Variants in TAMALIN observed in about 807,000 individuals in gnomAD.
The protein encoded by TAMALIN is protein TAMALIN.
Under a neutral mutation model 38.5 loss-of-function variants are expected in TAMALIN, and 9 were observed. The ratio of observed to expected loss-of-function variants is 0.23; its 90% CI spans 0.14 to 0.41. The LOEUF (loss-of-function observed/expected upper bound fraction) is 0.41. Ranked by LOEUF, TAMALIN falls within the 10% of genes least tolerant of loss-of-function variation. The pLI, the probability that TAMALIN is intolerant of heterozygous loss-of-function variation, is 1.00. For missense variants in TAMALIN, 548 were observed against 554.1 expected, an observed-to-expected ratio of 0.99 and a Z score of 0.11; for synonymous variants, 306 against 256.5, an observed-to-expected ratio of 1.19 and a Z score of -1.85.
Position 52,007,024 on chromosome 12 carries a change from C to A in TAMALIN, c.5C>A (p.Thr2Asn). 1 of 1,431,252 alleles carries A rather than the reference C, an allele frequency of 7.0e-7. No individual in the cohort carries two copies. The allele number at this position is 1,431,252 out of a possible 1,614,324, so 88.7% of individuals were successfully genotyped here. Residue 2 changes from threonine to asparagine, a missense_variant, in exon 1 of 8, where the codon ACC (threonine) becomes AAC (asparagine). Around this residue, in one of 3 missense-constraint regions of TAMALIN, gnomAD observed 128 missense variants for 117.9 expected, o/e 1.09. Transcript: ENST00000293662. This position sits in a 1 kb window ranked among gnomAD's most constrained non-coding sequence, Gnocchi z 6.7. M[T>N]LRRLRKLQQK... is the part of the protein sequence containing the mutation. ...GGGGCGTCCGGCGCCGGAGCCATGA[C>A]CCTCCGCCGACTCAGGAAGCTGCAG... is the stretch of plus-strand genomic sequence containing the variant.
At chr12:52,008,934 G>T (rs529447299) in intron 1 of TAMALIN, among the ~76,000 whole-genome samples, 1 of 152,334 alleles carries the variant, frequency 6.6e-6, no homozygotes, top group East Asian at 1.9e-4. Context: ...GGGCTTAGAG[G>T]TTCATGGATC....
At chr12:52,013,495 G>T (rs1937708436) in intron 4 of TAMALIN, 192 bp from the exon 5 acceptor site, 2 of 596,050 alleles carry the variant, frequency 3.4e-6, no homozygotes, top group East Asian at 5.7e-5. Context: ...AATGGCTGTG[G>T]TTCTGTGTGT....
chr12:52,009,105 G>T, intron 1 of TAMALIN, 85 bp from the exon 2 acceptor site: 1 of 1,296,712 alleles, frequency 7.7e-7, no homozygotes, highest in Non-Finnish European at 1.1e-6. Context: ...ACAGGAAGTG[G>T]GTCGCTGTGT....
chr12:52,008,119 A>AG, intron 1 of TAMALIN: 1 of 985,420 alleles, frequency 1.0e-6, no homozygotes, highest in Non-Finnish European at 1.2e-6. Flanking sequence ...TGAAAGACAA[A>AG]GGGGTCTCTC....
intron 1 of TAMALIN, chr12:52,008,493 G>A (rs1174600245): frequency 1.0e-6 from 1 of 970,630 alleles, no homozygotes; most frequent in Non-Finnish European, 1.2e-6. Context: ...AAGATGTTTT[G>A]TCCCAGAAAG....
In TAMALIN at chr12:52,014,180, C is replaced by T; in HGVS notation, c.661C>T (p.Gln221Ter). The T allele has an allele frequency of 6.2e-7, 1 of 1,603,192 alleles. No homozygotes were observed. ...GGGAGAGTACAGGTCCCTAATGGTG[C>T]AGGAGCAGCGGCTGGTGCATGGTGA... ...KWGEYRSLMV[Q>*]EQRLVHGLVV... Residue 221 changes from glutamine (Q) to a stop codon, truncating the protein, a stop_gained, in exon 7 of 8, where the codon CAG becomes TAG. Coordinates refer to ENST00000293662, the MANE Select transcript of TAMALIN (RefSeq NM_181711.4). LOFTEE classifies it high-confidence loss of function.
Position 52,015,330 on chromosome 12 carries a change from C to A in TAMALIN, c.*131C>A. The A allele has an allele frequency of 8.7e-7, 1 of 1,145,500 alleles. No individual in the cohort carries two copies. The highest frequency in any genetic ancestry group is 1.2e-6 in the Non-Finnish European group (1 of 860,074). The allele number at this position is 1,145,500 out of a possible 1,614,324, so 71.0% of individuals were successfully genotyped here. ...GAGGGTCCTTCCTAGCCTCGGCCCG[C>A]CGGGTCGGTTCCTGGCTGGTGTCTG... On this transcript the variant is annotated 3_prime_UTR_variant, in exon 8 of 8. Coordinates refer to ENST00000293662, the MANE Select transcript of TAMALIN (RefSeq NM_181711.4).
intron 4 of TAMALIN, among the ~76,000 whole-genome samples, chr12:52,012,076 A>G (rs1419330313): frequency 6.6e-6 from 1 of 152,214 alleles, no homozygotes; most frequent in South Asian, 2.1e-4. Flanking sequence ...GATGGATGGC[A>G]TCTCATGGCA....
chr12:52,009,372 AGTGAGGGCAGGTGGGG>A, intron 2 of TAMALIN, 133 bp downstream of exon 2: 1 of 838,152 alleles, frequency 1.2e-6, no homozygotes, highest in South Asian at 1.6e-5. Flanking sequence ...CCCCGCTGGG[AGTGAGGGCAGGTGGGG>A]GTGAGGGCTG....
Position 52,015,405 on chromosome 12 carries a change from A to T in TAMALIN, c.*206A>T. ...CTTCTCTTCTCCCCCGCCAAACCAC[A>T]GTGGGAGCTGGGGCAGGGGGAGAGC... On this transcript the variant is annotated 3_prime_UTR_variant, in exon 8 of 8. Transcript: ENST00000293662. 1.8e-6 allele frequency: 1 copy of T among 565,572 alleles called. No homozygotes were observed. Among genetic ancestry groups the T allele is most frequent in the South Asian group, 2.3e-5 (1 of 43,898 alleles). The allele number at this position is 565,572 out of a possible 1,614,324, so 35.0% of individuals were successfully genotyped here.
In TAMALIN at chr12:52,015,124, C is replaced by T. The variant is rs745411845; in HGVS notation, c.1113C>T (p.Arg371=). The change falls in exon 8 of 8, where the codon CGC becomes CGT. Residue 371 remains arginine (R), a synonymous_variant. Coordinates refer to ENST00000293662, the MANE Select transcript of TAMALIN (RefSeq NM_181711.4). ...CCGGCCTGCGCAAAACCAAGTACCG[C>T]AGCTTCCGCCGGCGGCTGCTCAAGT... The part of the protein sequence containing the change: ...CGPGLRKTKY[R]SFRRRLLKFI... 14 of 1,588,644 alleles carry T rather than the reference C, an allele frequency of 8.8e-6. No individual in the cohort carries two copies. The highest frequency in any genetic ancestry group is 1.2e-5 in the Non-Finnish European group (14 of 1,175,760).
rs777772944 is a variant in TAMALIN, at chr12:52,013,878, C to A, written c.550C>A (p.Leu184Met). The A allele has an allele frequency of 3.1e-6, 5 of 1,614,138 alleles. No individual in the cohort carries two copies. The highest frequency in any genetic ancestry group is 4.2e-6 in the Non-Finnish European group (5 of 1,179,998). ...IIKASGNVLR[L>M]ETLYGTSIRK... Reference sequence around the variant, plus strand: ...CAGGCTTTGATTCTCCAACCTCAGACTGGAAACTCTATATGGGACATCAAT... The same window carrying A: ...CAGGCTTTGATTCTCCAACCTCAGAATGGAAACTCTATATGGGACATCAAT... Residue 184 changes from leucine (L) to methionine (M), a missense_variant and splice_region_variant, in exon 6 of 8, where the codon CTG (leucine) becomes ATG (methionine). Coordinates refer to ENST00000293662, the MANE Select transcript of TAMALIN (RefSeq NM_181711.4).
At chr12:52,013,561 G>A in intron 4 of TAMALIN, 126 bp from the exon 5 acceptor site, 1 of 715,918 alleles carries the variant, frequency 1.4e-6, no homozygotes, top group Non-Finnish European at 2.5e-6. Context: ...TGAGGAGTTG[G>A]AGGAGGGAGT....
In TAMALIN at chr12:52,014,842, G is replaced by C; in HGVS notation, c.831G>C (p.Arg277Ser). The C allele has an allele frequency of 7.8e-7, 1 of 1,275,174 alleles. No homozygotes were observed. Among genetic ancestry groups the C allele is most frequent in the Non-Finnish European group, 9.9e-7 (1 of 1,009,744 alleles). 79.0% of individuals were successfully genotyped at this position (1,275,174 alleles called of 1,614,324 possible). A position where few individuals can be genotyped will look rare whatever the true frequency, so the allele number is the denominator to read the frequency against. Residue 277 changes from arginine to serine, a missense_variant, in exon 8 of 8, where the codon AGG (arginine) becomes AGC (serine). By Grantham distance (110) the Arg-to-Ser change is moderately radical. Around this residue, in one of 3 missense-constraint regions of TAMALIN, gnomAD observed 415 missense variants for 417.0 expected, o/e 1.00. Coordinates refer to ENST00000293662, the MANE Select transcript of TAMALIN (RefSeq NM_181711.4). ...GRPRGGARRA[R>S]GDADDAVYHT... ...CCCGCGGAGGCGCCCGACGGGCCAGGGGCGACGCCGACGACGCCGTCTACC... is the reference window on the plus strand; with the variant it reads ...CCCGCGGAGGCGCCCGACGGGCCAGCGGCGACGCCGACGACGCCGTCTACC...
rs1463363882 is a variant in TAMALIN, at chr12:52,007,394, G to A, written c.246+129G>A. 2 of 1,268,966 alleles carry A rather than the reference G, an allele frequency of 1.6e-6. No individual in the cohort carries two copies. The highest frequency in any genetic ancestry group is 6.3e-5 in the East Asian group (2 of 31,742). The allele number at this position is 1,268,966 out of a possible 1,614,324, so 78.6% of individuals were successfully genotyped here. A position where few individuals can be genotyped will look rare whatever the true frequency, so the allele number is the denominator to read the frequency against. ...CACCTTCTTCCCCGGCCCGCTGGGT[G>A]CCTCGACTCCCCGCGTTCCCCGCTG... On this transcript the variant is annotated intron_variant, in intron 1 of 7. Coordinates refer to ENST00000293662, the MANE Select transcript of TAMALIN (RefSeq NM_181711.4). This position sits in a 1 kb window ranked among gnomAD's most constrained non-coding sequence, Gnocchi z 6.7.
chr12:52,010,816 G>T (rs771707403), intron 2 of TAMALIN, 65 bp from the exon 3 acceptor site: 6 of 1,551,886 alleles, frequency 3.9e-6, no homozygotes, highest in Non-Finnish European at 5.3e-6. Context: ...TATCCAGGGA[G>T]GCCCAAGCTA....
At position 52,007,786 on chromosome 12, in the gene TAMALIN, G is replaced by A. The variant is rs572079937; in HGVS notation, c.246+521G>A. 1.3e-4 allele frequency: 129 copies of A among 985,426 alleles called. 1 individual carries two copies. Among genetic ancestry groups the A allele is most frequent in the East Asian group, 1.0e-3 (9 of 8,790 alleles). 61.0% of individuals were successfully genotyped at this position (985,426 alleles called of 1,614,324 possible). On this transcript the variant is annotated intron_variant, in intron 1 of 7. Transcript: ENST00000293662. This position sits in a 1 kb window ranked among gnomAD's most constrained non-coding sequence, Gnocchi z 6.7. ...GGACTCCCCGATTCCTGGGCTGGGG[G>A]CCTGCCGCCTGGCCCCACGTCTGAC...
Position 52,007,613 on chromosome 12 carries a change from T to G in TAMALIN, c.246+348T>G, listed in dbSNP as rs2120820544. 1.0e-6 allele frequency: 1 copy of G among 984,414 alleles called. No homozygotes were observed. The highest frequency in any genetic ancestry group is 1.1e-4 in the East Asian group (1 of 8,716). 61.0% of individuals were successfully genotyped at this position (984,414 alleles called of 1,614,324 possible). On this transcript the variant is annotated intron_variant, in intron 1 of 7. Transcript: ENST00000293662. This position sits in a 1 kb window ranked among gnomAD's most constrained non-coding sequence, Gnocchi z 6.7. ...GGTGTCCTGGGTCCCCAGGAGCCCCTCGCCCGAGGGACAGAGACAGCCCCA... is the reference window on the plus strand; with the variant it reads ...GGTGTCCTGGGTCCCCAGGAGCCCCGCGCCCGAGGGACAGAGACAGCCCCA...
In TAMALIN at chr12:52,007,090, G is replaced by GGACTCCC; in HGVS notation, c.77_83dup (p.Glu29ArgfsTer70). ...GCGGCCACCCCGGACCCCGCCGCCC[G>GGACTCCC]GACTCCCGACTCGGAAGTCGCGCCC... On this transcript the variant is annotated frameshift_variant, in exon 1 of 8. Transcript: ENST00000293662. LOFTEE classifies it high-confidence loss of function. The surrounding 1 kb of genome is among the most constrained non-coding windows in gnomAD (Gnocchi z 6.7). 6.8e-7 allele frequency: 1 copy of GGACTCCC among 1,479,140 alleles called. No individual in the cohort carries two copies. 91.6% of individuals were successfully genotyped at this position (1,479,140 alleles called of 1,614,324 possible).
Sources: allele counts gnomAD v4.1 joint callset (sites outside exome capture counted in the v4.1 genomes callset), GRCh38; gene constraint gnomAD v4.1.1; regional missense constraint gnomAD v4.1.1; non-coding constraint Gnocchi (gnomAD v3.1); transcripts MANE v1.5; gene names NCBI Gene and HGNC (gene_info 2026-07-23, HGNC 2026-07-21).